CDKN2B-AS1: variants seen among roughly 807,000 people sequenced by gnomAD.
CDKN2B-AS1 encodes the protein CDKN2B antisense RNA 1 (non-protein coding).
At chr9:22,108,416 A>G (rs1452684692) in intron 4 of CDKN2B-AS1, among the ~76,000 whole-genome samples, 1 of 152,170 alleles carries the variant, frequency 6.6e-6, no homozygotes, top group Non-Finnish European at 1.5e-5. Flanking sequence ...GAGATCGGGC[A>G]CGTTCAGGGT....
chr9:22,008,466 A>G (rs1477725398), intron 1 of CDKN2B-AS1, among the ~76,000 whole-genome samples: 1 of 152,154 alleles, frequency 6.6e-6, no homozygotes, highest in African/African-American at 2.4e-5. Context: ...ACTTATCTTT[A>G]TCGTTGAAAG....
chr9:22,101,664 C>T (rs1398039268), intron 4 of CDKN2B-AS1, among the ~76,000 whole-genome samples: 2 of 99,454 alleles, frequency 2.0e-5, no homozygotes, highest in Non-Finnish European at 3.8e-5. Flanking sequence ...TAACCCTCTT[C>T]AACACACACA....
At chr9:22,007,862 C>A (rs1821274437) in intron 1 of CDKN2B-AS1, among the ~76,000 whole-genome samples, 1 of 152,000 alleles carries the variant, frequency 6.6e-6, no homozygotes, top group African/African-American at 2.4e-5. Flanking sequence ...TTAAAAATCC[C>A]TCATTTGTTA....
chr9:22,125,519 G>C (rs748051817), intron 4 of CDKN2B-AS1, among the ~76,000 whole-genome samples: 1 of 152,172 alleles, frequency 6.6e-6, no homozygotes, highest in Non-Finnish European at 1.5e-5. Context: ...GCAGCCACTC[G>C]CAGAGGTAAG....
intron 1 of CDKN2B-AS1, among the ~76,000 whole-genome samples, chr9:22,010,127 T>G (rs924128071): frequency 1.3e-5 from 2 of 152,152 alleles, no homozygotes. Flanking sequence ...TAAAGGAAAT[T>G]TATGCAGTAA....
intron 2 of CDKN2B-AS1, among the ~76,000 whole-genome samples, chr9:22,047,252 A>G (rs1250072197): frequency 2.6e-5 from 4 of 152,224 alleles, no homozygotes; most frequent in Non-Finnish European, 4.4e-5. Context: ...AACTATGTAT[A>G]GGTATATTGT....
At chr9:22,067,905 G>C (rs917434617) in intron 4 of CDKN2B-AS1, among the ~76,000 whole-genome samples, 3 of 152,172 alleles carry the variant, frequency 2.0e-5, no homozygotes, top group Non-Finnish European at 4.4e-5. Context: ...TTTCTCTTAA[G>C]ATTGTCTTTC....
intron 1 of CDKN2B-AS1, among the ~76,000 whole-genome samples, chr9:22,018,596 G>A (rs1821883459): frequency 6.6e-6 from 1 of 152,210 alleles, no homozygotes; most frequent in African/African-American, 2.4e-5. Context: ...GGCAGAGGTT[G>A]CCTGTGCACT....
intron 4 of CDKN2B-AS1, among the ~76,000 whole-genome samples, chr9:22,098,487 T>C (rs2131352072): frequency 6.6e-6 from 1 of 151,416 alleles, no homozygotes; most frequent in East Asian, 1.9e-4. Context: ...AAAAATAAAA[T>C]AAAATAAAAA....
chr9:22,127,751 T>TCCG, exon 5 of CDKN2B-AS1, among the ~76,000 whole-genome samples: 1 of 152,290 alleles, frequency 6.6e-6, no homozygotes, highest in East Asian at 1.9e-4. Context: ...TGTGGATTCA[T>TCCG]TGATGAGATG....
At chr9:22,065,381 A>G (rs1333807455) in intron 4 of CDKN2B-AS1, among the ~76,000 whole-genome samples, 1 of 152,210 alleles carries the variant, frequency 6.6e-6, no homozygotes, top group African/African-American at 2.4e-5. Flanking sequence ...TGACTCGACA[A>G]TAAAGTAACC....
At chr9:22,033,268 T>C (rs1035091357) in intron 1 of CDKN2B-AS1, among the ~76,000 whole-genome samples, 1 of 152,180 alleles carries the variant, frequency 6.6e-6, no homozygotes, top group African/African-American at 2.4e-5. Flanking sequence ...GATTTTCACT[T>C]TCACAGTGTT....
intron 4 of CDKN2B-AS1, among the ~76,000 whole-genome samples, chr9:22,101,139 C>G (rs576286968): frequency 1.3e-5 from 2 of 152,170 alleles, no homozygotes. Flanking sequence ...TTCAGAGACA[C>G]CCTTCAACAG....
intron 4 of CDKN2B-AS1, among the ~76,000 whole-genome samples, chr9:22,101,922 T>C (rs1293952524): frequency 6.6e-6 from 1 of 152,178 alleles, no homozygotes; most frequent in East Asian, 1.9e-4. Flanking sequence ...GGTTCGGTCA[T>C]GAACTGTCTA....
At chr9:22,059,976 G>A (rs554858354) in intron 4 of CDKN2B-AS1, among the ~76,000 whole-genome samples, 25 of 152,266 alleles carry the variant, frequency 1.6e-4, no homozygotes, top group South Asian at 1.5e-3. Flanking sequence ...TGCCCATGGC[G>A]CAGGGACCCT....
chr9:22,024,390 A>G (rs1296045436), intron 1 of CDKN2B-AS1, among the ~76,000 whole-genome samples: 1 of 152,200 alleles, frequency 6.6e-6, no homozygotes, highest in Admixed American at 6.5e-5. Context: ...GGCATTCACC[A>G]TGCTAGTGAA....
chr9:22,048,243 G>A (rs575682507), intron 2 of CDKN2B-AS1, among the ~76,000 whole-genome samples: 3 of 152,260 alleles, frequency 2.0e-5, no homozygotes, highest in African/African-American at 7.2e-5. Context: ...GCAGAAGTGT[G>A]TGCCTCTAAG....
chr9:22,067,599 G>A (rs552544459), intron 4 of CDKN2B-AS1, among the ~76,000 whole-genome samples: 3 of 152,238 alleles, frequency 2.0e-5, no homozygotes, highest in East Asian at 1.9e-4. Context: ...TAGGAAGGAT[G>A]TGGAGAGCTG....
chr9:22,024,789 G>A (rs778538809), intron 1 of CDKN2B-AS1, among the ~76,000 whole-genome samples: 6 of 152,176 alleles, frequency 3.9e-5, no homozygotes, highest in Non-Finnish European at 7.4e-5. Flanking sequence ...GTTGCAGTAT[G>A]GGTAGCGAAC....
Sources: gnomAD v4.1 joint callset for allele counts (sites outside exome capture counted in the v4.1 genomes callset) on GRCh38, gnomAD v4.1.1 for gene constraint, MANE v1.5 for transcripts, NCBI Gene and HGNC (gene_info 2026-07-23, HGNC 2026-07-21) for gene names.